CPEB3: variants seen among roughly 807,000 people sequenced by gnomAD.
CPEB3 encodes the protein cytoplasmic polyadenylation element binding protein 3.
CPEB3 carries 20 observed loss-of-function variants against 67.2 expected under a neutral mutation model. The observed-to-expected ratio is 0.30, with a 90% CI of 0.21 to 0.43. CPEB3 has a LOEUF of 0.43. Among genes scored for constraint, CPEB3 ranks in the 20% least tolerant of loss-of-function variants. The pLI is 1.00. For missense variants in CPEB3, 746 were observed against 968.6 expected (o/e 0.77, Z 3.05); for synonymous variants, 376 against 393.1 (o/e 0.96, Z 0.51).
chr10:92,102,806 C>T (rs1844254972), intron 7 of CPEB3, among the ~76,000 whole-genome samples: 1 of 152,200 alleles, frequency 6.6e-6, no homozygotes, highest in Non-Finnish European at 1.5e-5. Context: ...AGCGCTCTCC[C>T]CGTCACAACT....
chr10:92,197,360 G>A (rs1328477699), intron 2 of CPEB3, among the ~76,000 whole-genome samples: 1 of 152,052 alleles, frequency 6.6e-6, no homozygotes, highest in East Asian at 1.9e-4. Flanking sequence ...GAACAAAAAG[G>A]ATAGAAAAAA....
chr10:92,237,520 ATC>A (rs1378414631), intron 2 of CPEB3, among the ~76,000 whole-genome samples: 1 of 152,180 alleles, frequency 6.6e-6, no homozygotes, highest in Non-Finnish European at 1.5e-5. Flanking sequence ...TGTGGATTTA[ATC>A]TCTCCCTAAT....
chr10:92,226,843 C>A (rs1850999613), intron 2 of CPEB3, among the ~76,000 whole-genome samples: 1 of 91,872 alleles, frequency 1.1e-5, no homozygotes, highest in Non-Finnish European at 2.1e-5. Flanking sequence ...GAGAAGGGGC[C>A]TGTGGGGGTG....
chr10:92,256,755 T>A (rs1191176574), intron 1 of CPEB3, among the ~76,000 whole-genome samples: 2 of 152,256 alleles, frequency 1.3e-5, no homozygotes, highest in Non-Finnish European at 2.9e-5. Context: ...TATTTGAAGC[T>A]TTCCTTGACC....
chr10:92,217,063 C>T (rs1028319098), intron 2 of CPEB3, among the ~76,000 whole-genome samples: 1 of 147,912 alleles, frequency 6.8e-6, no homozygotes, highest in Non-Finnish European at 1.5e-5. Context: ...AAAAAATTGG[C>T]TGGGCATAGT....
chr10:92,245,985 C>T lies in CPEB3; in HGVS notation c.-11-5624G>A, dbSNP rs552559723. The stretch of plus-strand genomic sequence containing the variant: ...CCTGGGAGGTGGGGGTTGCAGTGAG[C>T]CAAGACCGCACCATTGCACTCCAGC... On this transcript the variant is annotated intron_variant, in intron 1 of 9. Coordinates refer to ENST00000265997, the MANE Select transcript of CPEB3 (RefSeq NM_014912.5). 5.4e-3 allele frequency among the ~76,000 whole-genome samples: 824 copies of T among 151,608 alleles called. 5 individuals carry two copies. The highest frequency in any genetic ancestry group is 9.4e-3 in the Non-Finnish European group (639 of 67,926).
At position 92,192,480 on chromosome 10, in the gene CPEB3, C is replaced by T; in HGVS notation, c.1162G>A (p.Ala388Thr). Residue 388 changes from alanine (A) to threonine (T), a missense_variant, in exon 3 of 10, where the codon GCA becomes ACA. Around this residue, in one of 2 missense-constraint regions of CPEB3, gnomAD observed 643 missense variants for 717.5 expected, o/e 0.90. Transcript: ENST00000265997. ...FADIMWRNHF[A>T]GRMGINFHHP... ...TGGACATATGAATATTCCTAACCTGCAAAATGATTCCTCCACATTATATCA... is the reference window on the plus strand; with the variant it reads ...TGGACATATGAATATTCCTAACCTGTAAAATGATTCCTCCACATTATATCA... 6.2e-7 allele frequency: 1 copy of T among 1,611,996 alleles called. No individual in the cohort carries two copies. Among genetic ancestry groups the T allele is most frequent in the South Asian group, 1.1e-5 (1 of 90,320 alleles).
At chr10:92,262,570 G>A (rs1852849601) in intron 1 of CPEB3, among the ~76,000 whole-genome samples, 1 of 152,152 alleles carries the variant, frequency 6.6e-6, no homozygotes, top group African/African-American at 2.4e-5. Context: ...TCTTTGGCAA[G>A]GCAAGGTAGC....
At chr10:92,182,347 T>C (rs1017240336) in intron 3 of CPEB3, among the ~76,000 whole-genome samples, 1 of 152,086 alleles carries the variant, frequency 6.6e-6, no homozygotes, top group Non-Finnish European at 1.5e-5. Flanking sequence ...TGGAGGCAAA[T>C]AGCATTATTA....
chr10:92,076,826 G>A (rs1028947580), intron 9 of CPEB3, among the ~76,000 whole-genome samples: 10 of 133,100 alleles, frequency 7.5e-5, no homozygotes, highest in African/African-American at 2.5e-4. Flanking sequence ...GGAGAAAGAG[G>A]AGGAGGAGGA....
intron 2 of CPEB3, among the ~76,000 whole-genome samples, chr10:92,220,168 TCCCA>T (rs991745342): frequency 1.3e-5 from 2 of 151,828 alleles, no homozygotes; most frequent in Non-Finnish European, 2.9e-5. Context: ...AAAATCAATC[TCCCA>T]CCCAGCCCCA....
Position 92,169,204 on chromosome 10 carries a change from T to A in CPEB3, c.1222+11759A>T, listed in dbSNP as rs529200435. ...CACAGGCTAGAGTGCAATGGTGCAGTCTCGGCTCACTGCAACCTCCACCTC... is the reference window on the plus strand; with the variant it reads ...CACAGGCTAGAGTGCAATGGTGCAGACTCGGCTCACTGCAACCTCCACCTC... On this transcript the variant is annotated intron_variant, in intron 4 of 9. Transcript: ENST00000265997. Among the ~76,000 whole-genome samples, 11 of 151,220 alleles carry A rather than the reference T, an allele frequency of 7.3e-5. No individual in the cohort carries two copies. In the East Asian group the frequency reaches 2.1e-3, roughly 29 times the overall value.
chr10:92,246,511 C>CTT (rs755522694), intron 1 of CPEB3, among the ~76,000 whole-genome samples: 16 of 143,902 alleles, frequency 1.1e-4, no homozygotes, highest in Non-Finnish European at 1.4e-4. Flanking sequence ...AGGATGTCAA[C>CTT]TTTTTTTTTT....
At chr10:92,112,926 A>T (rs971544782) in intron 6 of CPEB3, among the ~76,000 whole-genome samples, 3 of 152,252 alleles carry the variant, frequency 2.0e-5, no homozygotes, top group Admixed American at 6.5e-5. Flanking sequence ...ACTGGCTAAG[A>T]AGCAAAGCTC....
At chr10:92,234,664 C>T (rs912495474) in intron 2 of CPEB3, among the ~76,000 whole-genome samples, 1 of 152,216 alleles carries the variant, frequency 6.6e-6, no homozygotes. Context: ...CACAGTGGCT[C>T]ATGCCTGTAA....
chr10:92,264,062 C>T lies in CPEB3; in HGVS notation c.-11-23701G>A, dbSNP rs1376193079. Among the ~76,000 whole-genome samples, 3 of 152,126 alleles carry T rather than the reference C, an allele frequency of 2.0e-5. No homozygotes were observed. In the East Asian group the frequency reaches 5.8e-4, roughly 29 times the overall value. On this transcript the variant is annotated intron_variant, in intron 1 of 9. Transcript: ENST00000265997. ...AATCAATAATGGCTGGTTGCAGTGA[C>T]TCACGCCTATAATCCCAGCACTTTG...
At chr10:92,198,406 C>T (rs555788288) in intron 2 of CPEB3, among the ~76,000 whole-genome samples, 2 of 152,350 alleles carry the variant, frequency 1.3e-5, no homozygotes, top group African/African-American at 4.8e-5. Flanking sequence ...CTTTGCTCAA[C>T]TGACAACTAA....
At chr10:92,221,468 G>A (rs920140207) in intron 2 of CPEB3, among the ~76,000 whole-genome samples, 1 of 152,092 alleles carries the variant, frequency 6.6e-6, no homozygotes. Context: ...ACTCCAGCCT[G>A]GACAACAGAG....
At chr10:92,206,009 G>A (rs1299892125) in intron 2 of CPEB3, among the ~76,000 whole-genome samples, 3 of 151,520 alleles carry the variant, frequency 2.0e-5, no homozygotes, top group Non-Finnish European at 4.4e-5. Context: ...TTAAAATAAA[G>A]CCAGTACCAT....
Sources: gnomAD v4.1 joint callset for allele counts (sites outside exome capture counted in the v4.1 genomes callset) on GRCh38, gnomAD v4.1.1 for gene constraint, gnomAD v4.1.1 regional missense constraint, MANE v1.5 for transcripts, NCBI Gene and HGNC (gene_info 2026-07-23, HGNC 2026-07-21) for gene names.